DPY19L1: variants seen among roughly 807,000 people sequenced by gnomAD.
The protein encoded by DPY19L1 is protein C-mannosyl-transferase DPY19L1.
A neutral mutation model predicts 96.9 loss-of-function variants in DPY19L1; 35 were observed. The ratio of observed to expected loss-of-function variants is 0.36; its 90% CI spans 0.28 to 0.48. The LOEUF is 0.48. Ranked by LOEUF, DPY19L1 falls within the 20% of genes least tolerant of loss-of-function variation. The pLI, the probability that DPY19L1 is intolerant of heterozygous loss-of-function variation, is 0.99. For missense variants in DPY19L1, 521 were observed against 777.9 expected, an observed-to-expected ratio of 0.67 and a Z score of 3.93; for synonymous variants, 205 against 252.6, an observed-to-expected ratio of 0.81 and a Z score of 1.79.
intron 3 of DPY19L1, among the ~76,000 whole-genome samples, chr7:35,016,788 G>T (rs2128679620): frequency 6.6e-6 from 1 of 152,310 alleles, no homozygotes; most frequent in Non-Finnish European, 1.5e-5. Flanking sequence ...AAATGTTCAG[G>T]AAACTTGGGA....
At chr7:35,016,259 A>C (rs1480829316) in intron 3 of DPY19L1, among the ~76,000 whole-genome samples, 1 of 152,192 alleles carries the variant, frequency 6.6e-6, no homozygotes, top group East Asian at 1.9e-4. Flanking sequence ...GGTCACATCA[A>C]GGGCAAACAA....
intron 13 of DPY19L1, among the ~76,000 whole-genome samples, chr7:34,952,147 C>G (rs1483887357): frequency 7.0e-6 from 1 of 142,324 alleles, no homozygotes; most frequent in Non-Finnish European, 1.5e-5. Flanking sequence ...AAACCCACAA[C>G]AGCTCTTAAT....
At chr7:34,952,707 T>C (rs1365447223) in intron 13 of DPY19L1, among the ~76,000 whole-genome samples, 2 of 152,054 alleles carry the variant, frequency 1.3e-5, no homozygotes, top group African/African-American at 2.4e-5. Context: ...TATCCCAGGA[T>C]ACAAACTAGA....
chr7:34,989,644 C>CAAAAA (rs375852661), intron 7 of DPY19L1, among the ~76,000 whole-genome samples: 1 of 146,520 alleles, frequency 6.8e-6, no homozygotes, highest in Non-Finnish European at 1.5e-5. Flanking sequence ...ACAACAACAA[C>CAAAAA]AAAAAAAAAA....
chr7:34,947,860 A>C (rs1441665333), intron 14 of DPY19L1, among the ~76,000 whole-genome samples, 159 bp from the exon 15 acceptor site: 1 of 152,228 alleles, frequency 6.6e-6, no homozygotes, highest in African/African-American at 2.4e-5. Flanking sequence ...GCATTTCCAT[A>C]GAAATGAACT....
intron 10 of DPY19L1, among the ~76,000 whole-genome samples, chr7:34,959,938 T>A (rs1177109221): frequency 1.5e-5 from 2 of 131,356 alleles, no homozygotes; most frequent in South Asian, 2.3e-4. Context: ...TATATATATA[T>A]ATATATATAA....
At chr7:34,947,816 T>G in intron 14 of DPY19L1, 115 bp from the exon 15 acceptor site, 1 of 774,662 alleles carries the variant, frequency 1.3e-6, no homozygotes, top group Non-Finnish European at 2.1e-6. Flanking sequence ...CATTCACCAA[T>G]CTACTCACTG....
At position 34,977,927 on chromosome 7, in the gene DPY19L1, A is replaced by T. The variant is rs190571064; in HGVS notation, c.823-4322T>A. Among the ~76,000 whole-genome samples the T allele has an allele frequency of 3.3e-5, 5 of 152,222 alleles. No individual in the cohort carries two copies. The East Asian group carries it at 7.7e-4, about 23-fold the overall frequency. On this transcript the variant is annotated intron_variant, in intron 7 of 21. Transcript: ENST00000638088. ...TTGCACAAACTTCTATCTAGTATATAATTTTTAGCACACATTTCATAACAC... is the reference window on the plus strand; with the variant it reads ...TTGCACAAACTTCTATCTAGTATATTATTTTTAGCACACATTTCATAACAC...
At chr7:34,997,436 C>CAAAAAAAA (rs397836742) in intron 6 of DPY19L1, among the ~76,000 whole-genome samples, 23 of 91,932 alleles carry the variant, frequency 2.5e-4, no homozygotes, top group South Asian at 4.3e-4. Context: ...ACTAAAAATA[C>CAAAAAAAA]AAAAAAAAAA....
chr7:35,011,247 A>C (rs191390009), intron 5 of DPY19L1, 83 bp downstream of exon 5: 4 of 1,496,926 alleles, frequency 2.7e-6, no homozygotes, highest in Non-Finnish European at 3.7e-6. Context: ...TATACCACTA[A>C]GTTTACAGTG....
intron 16 of DPY19L1, among the ~76,000 whole-genome samples, 199 bp downstream of exon 16, chr7:34,945,468 C>G (rs1468460547): frequency 6.6e-6 from 1 of 152,082 alleles, no homozygotes; most frequent in East Asian, 1.9e-4. Flanking sequence ...TGGATAACAT[C>G]TGAAGGATGA....
chr7:34,992,103 C>T (rs1785181981), intron 6 of DPY19L1, among the ~76,000 whole-genome samples: 1 of 152,206 alleles, frequency 6.6e-6, no homozygotes, highest in South Asian at 2.1e-4. Context: ...GCAGTCCACA[C>T]TCTTGTCACA....
chr7:34,967,932 G>A (rs1784645737), intron 9 of DPY19L1, among the ~76,000 whole-genome samples: 1 of 152,136 alleles, frequency 6.6e-6, no homozygotes, highest in Non-Finnish European at 1.5e-5. Context: ...GTGGGGAAGT[G>A]TGTGTTATTA....
intron 1 of DPY19L1, among the ~76,000 whole-genome samples, chr7:35,030,174 G>T (rs1267650735): frequency 6.6e-6 from 1 of 152,230 alleles, no homozygotes; most frequent in African/African-American, 2.4e-5. Flanking sequence ...AGATTCTGCT[G>T]TTGACAACTC....
rs1299762236 is a variant in DPY19L1, at chr7:34,947,615, A to G, written c.1494+15T>C. ...TATTCTATTATAAGAAAGAGCTCTT[A>G]AGTGATAGACATACCTTTCTAACAA... On this transcript the variant is annotated intron_variant, in intron 15 of 21. Transcript: ENST00000638088. 33 of 1,597,356 alleles carry G rather than the reference A, an allele frequency of 2.1e-5. No homozygotes were observed. Among genetic ancestry groups the G allele is most frequent in the Non-Finnish European group, 2.8e-5 (33 of 1,171,808 alleles).
chr7:35,026,731 A>C (rs539810869), intron 1 of DPY19L1, among the ~76,000 whole-genome samples: 1 of 152,336 alleles, frequency 6.6e-6, no homozygotes, highest in Non-Finnish European at 1.5e-5. Context: ...AGATACACTG[A>C]GGGAGAGGTT....
intron 13 of DPY19L1, among the ~76,000 whole-genome samples, chr7:34,950,126 T>C (rs1784240190): frequency 6.6e-6 from 1 of 152,064 alleles, no homozygotes; most frequent in Admixed American, 6.5e-5. Context: ...CTCATCGACA[T>C]CCCAAAGGCT....
intron 16 of DPY19L1, 123 bp downstream of exon 16, chr7:34,945,544 A>T (rs1784126990): frequency 4.2e-6 from 3 of 707,390 alleles, no homozygotes; most frequent in East Asian, 5.7e-5. Context: ...GGAAATGACC[A>T]CAATAAAAAC....
At chr7:34,981,294 CAGG>C (rs1784934059) in intron 7 of DPY19L1, among the ~76,000 whole-genome samples, 1 of 151,988 alleles carries the variant, frequency 6.6e-6, no homozygotes, top group African/African-American at 2.4e-5. Flanking sequence ...AATAAAATGG[CAGG>C]AGAAGGGATT....
Sources: allele counts gnomAD v4.1 joint callset (sites outside exome capture counted in the v4.1 genomes callset), GRCh38; gene constraint gnomAD v4.1.1; transcripts MANE v1.5; gene names NCBI Gene and HGNC (gene_info 2026-07-23, HGNC 2026-07-21).